ITPRID2: variants seen among roughly 807,000 people sequenced by gnomAD.
ITPRID2 encodes ITPR interacting domain containing 2.
Under a neutral mutation model 124.3 loss-of-function variants are expected in ITPRID2, and 60 were observed. The ratio of observed to expected loss-of-function variants is 0.48; its 90% CI spans 0.39 to 0.60. The LOEUF is 0.60. Among genes scored for constraint, ITPRID2 ranks in the 20% least tolerant of loss-of-function variants. The pLI is 0.00. For missense variants in ITPRID2, 1,553 were observed against 1,512.2 expected, an observed-to-expected ratio of 1.03 and a Z score of -0.45; for synonymous variants, 521 against 542.9, an observed-to-expected ratio of 0.96 and a Z score of 0.56.
At chr2:181,925,392 T>A (rs542400508) in intron 16 of ITPRID2, among the ~76,000 whole-genome samples, 1 of 152,178 alleles carries the variant, frequency 6.6e-6, no homozygotes, top group Non-Finnish European at 1.5e-5. Context: ...CCCAGGGTAG[T>A]TTCCTCACTT....
At position 181,905,728 on chromosome 2, in the gene ITPRID2, A is replaced by G. The variant is rs984695395; in HGVS notation, c.1413+3262A>G. On this transcript the variant is annotated intron_variant, in intron 8 of 17. Coordinates refer to ENST00000431877, the MANE Select transcript of ITPRID2 (RefSeq NM_001130445.3). The surrounding 1 kb of genome is among the most constrained non-coding windows in gnomAD (Gnocchi z 4.1). Reference sequence around the variant, plus strand: ...AGTAACTGTTTCTAATCCTGTCTTCATACTAATTATTGATTTAACTAATGT... The same window carrying G: ...AGTAACTGTTTCTAATCCTGTCTTCGTACTAATTATTGATTTAACTAATGT... 2.6e-5 allele frequency among the ~76,000 whole-genome samples: 4 copies of G among 152,196 alleles called. No homozygotes were observed. Among genetic ancestry groups the G allele is most frequent in the Admixed American group, 6.5e-5 (1 of 15,276 alleles).
intron 7 of ITPRID2, among the ~76,000 whole-genome samples, chr2:181,901,437 G>GTC (rs1277581915): frequency 6.6e-6 from 1 of 152,166 alleles, no homozygotes. Context: ...TTTTGAAAGA[G>GTC]TCTTAATGGA....
chr2:181,919,569 GT>G lies in ITPRID2; in HGVS notation c.3144+126del. 1.0e-6 allele frequency: 1 copy of G among 999,808 alleles called. No individual in the cohort carries two copies. The highest frequency in any genetic ancestry group is 1.4e-6 in the Non-Finnish European group (1 of 736,010). The allele number at this position is 999,808 out of a possible 1,614,324, so 61.9% of individuals were successfully genotyped here. On this transcript the variant is annotated intron_variant, in intron 14 of 17. Coordinates refer to ENST00000431877, the MANE Select transcript of ITPRID2 (RefSeq NM_001130445.3). The surrounding 1 kb of genome is among the most constrained non-coding windows in gnomAD (Gnocchi z 4.2). ...TAATGGTATTAAAAGCATGCATACT[GT>G]TTAAGGAGCTTTCCCACAAATCAGT...
At chr2:181,926,221 G>T (rs534862890) in intron 16 of ITPRID2, among the ~76,000 whole-genome samples, 1 of 149,948 alleles carries the variant, frequency 6.7e-6, no homozygotes, top group Admixed American at 6.6e-5. Context: ...CCGAGATTGC[G>T]CCCCTACACT....
Position 181,929,757 on chromosome 2 carries a change from C to A in ITPRID2, c.*210C>A. 3 of 668,548 alleles carry A rather than the reference C, an allele frequency of 4.5e-6. No individual in the cohort carries two copies. The highest frequency in any genetic ancestry group is 7.1e-6 in the Non-Finnish European group (3 of 423,090). The allele number at this position is 668,548 out of a possible 1,614,324, so 41.4% of individuals were successfully genotyped here. ...GGCACTTTGCTATTTCTTTTCTAAA[C>A]TATCAAAAACTCTAGCAGTTTGAAA... On this transcript the variant is annotated 3_prime_UTR_variant, in exon 18 of 18. Coordinates refer to ENST00000431877, the MANE Select transcript of ITPRID2 (RefSeq NM_001130445.3).
At chr2:181,914,971 A>G (rs192583207) in intron 10 of ITPRID2, among the ~76,000 whole-genome samples, 13 of 152,278 alleles carry the variant, frequency 8.5e-5, no homozygotes, top group Admixed American at 1.3e-4. Flanking sequence ...TTGAAAGGAA[A>G]GGGGGAGGTT....
Position 181,915,609 on chromosome 2 carries a change from T to C in ITPRID2, c.1969T>C (p.Tyr657His), listed in dbSNP as rs779968352. Residue 657 changes from tyrosine (Y) to histidine (H), a missense_variant, in exon 11 of 18, where the codon TAT becomes CAT. Transcript: ENST00000431877. Reference sequence around the variant, plus strand: ...AAGCAGTGAAAGTGAATTTACTCAGTATACCACACACCATATTCTGAAATC... The same window carrying C: ...AAGCAGTGAAAGTGAATTTACTCAGCATACCACACACCATATTCTGAAATC... ...GKSSESEFTQ[Y>H]TTHHILKSLA... 222 of 1,614,104 alleles carry C rather than the reference T, an allele frequency of 1.4e-4. No individual in the cohort carries two copies. The highest frequency in any genetic ancestry group is 1.8e-4 in the Non-Finnish European group (218 of 1,180,050).
chr2:181,913,683 C>T (rs971035955), intron 9 of ITPRID2, among the ~76,000 whole-genome samples, 162 bp from the exon 10 acceptor site: 1 of 152,086 alleles, frequency 6.6e-6, no homozygotes, highest in African/African-American at 2.4e-5. Flanking sequence ...CATAATTTTG[C>T]ATAAGTAATG....
At chr2:181,918,397 C>T in intron 11 of ITPRID2, 2 of 1,363,352 alleles carry the variant, frequency 1.5e-6, no homozygotes, top group Non-Finnish European at 1.9e-6. Flanking sequence ...CGTAGATTGA[C>T]TTATACCTGG....
intron 8 of ITPRID2, among the ~76,000 whole-genome samples, chr2:181,906,160 T>C (rs1473051916): frequency 6.7e-6 from 1 of 150,036 alleles, no homozygotes; most frequent in Non-Finnish European, 1.5e-5. Context: ...CTTTATTCAT[T>C]TTCTAGTTTC....
chr2:181,903,083 T>C lies in ITPRID2; in HGVS notation c.1413+617T>C, dbSNP rs140773579. 2.4e-3 allele frequency among the ~76,000 whole-genome samples: 368 copies of C among 152,364 alleles called. 1 individual carries two copies. Among genetic ancestry groups the C allele is most frequent in the Non-Finnish European group, 3.4e-3 (229 of 68,038 alleles). On this transcript the variant is annotated intron_variant, in intron 8 of 17. Coordinates refer to ENST00000431877, the MANE Select transcript of ITPRID2 (RefSeq NM_001130445.3). ...TACTTGTTATTTGTGTCCAGTAATATACCTGATAGTTAACATAAATTTTTA... is the reference window on the plus strand; with the variant it reads ...TACTTGTTATTTGTGTCCAGTAATACACCTGATAGTTAACATAAATTTTTA...
At chr2:181,916,580 A>G (rs995567732) in intron 11 of ITPRID2, 153 bp downstream of exon 11, 18 of 1,022,746 alleles carry the variant, frequency 1.8e-5, no homozygotes, top group African/African-American at 9.7e-5. Flanking sequence ...TTCGTTTTCT[A>G]TCTTCCCTCC....
chr2:181,899,146 T>C, intron 6 of ITPRID2, 34 bp downstream of exon 6: 1 of 1,447,108 alleles, frequency 6.9e-7, no homozygotes, highest in Non-Finnish European at 9.5e-7. Context: ...GGAATTACAT[T>C]GTGCTATAGA....
At position 181,902,622 on chromosome 2, in the gene ITPRID2, G is replaced by A. The variant is rs1692766122; in HGVS notation, c.1413+156G>A. 6.6e-6 allele frequency among the ~76,000 whole-genome samples: 1 copy of A among 152,136 alleles called. No individual in the cohort carries two copies. Among genetic ancestry groups the A allele is most frequent in the Middle Eastern group, 3.2e-3 (1 of 316 alleles). On this transcript the variant is annotated intron_variant, in intron 8 of 17. Transcript: ENST00000431877. The surrounding 1 kb of genome is among the most constrained non-coding windows in gnomAD (Gnocchi z 4.4). ...TTTATGTTTCACAAACCAAGAATTG[G>A]TCTCAGGATAATGTGATGTCGAGGT...
intron 16 of ITPRID2, among the ~76,000 whole-genome samples, chr2:181,923,478 A>C (rs374736123): frequency 2.6e-5 from 4 of 152,194 alleles, no homozygotes; most frequent in African/African-American, 9.6e-5. Context: ...TTTTCCTACA[A>C]ATGTAATTAT....
chr2:181,894,169 A>C (rs890649243), intron 2 of ITPRID2: 1 of 152,262 alleles, frequency 6.6e-6, no homozygotes, highest in Admixed American at 6.5e-5. Flanking sequence ...ACAAGAGAAG[A>C]ATCACACTAT....
chr2:181,898,229 A>C (rs531624350), intron 4 of ITPRID2, among the ~76,000 whole-genome samples: 5 of 152,036 alleles, frequency 3.3e-5, no homozygotes, highest in African/African-American at 4.8e-5. Context: ...AAAGCAATTC[A>C]TGTGTGCTGA....
intron 2 of ITPRID2, chr2:181,894,811 AG>A (rs1692055738): frequency 6.6e-6 from 1 of 152,114 alleles, no homozygotes; most frequent in Non-Finnish European, 1.5e-5. Flanking sequence ...CAACTATAAA[AG>A]TAAGATATTT....
At chr2:181,928,392 T>C in intron 17 of ITPRID2, 114 bp downstream of exon 17, 1 of 596,616 alleles carries the variant, frequency 1.7e-6, no homozygotes, top group Non-Finnish European at 2.9e-6. Flanking sequence ...AGTTTTAGAA[T>C]GTATGTAATA....
Sources: allele counts gnomAD v4.1 joint callset (sites outside exome capture counted in the v4.1 genomes callset), GRCh38; gene constraint gnomAD v4.1.1; non-coding constraint Gnocchi (gnomAD v3.1); transcripts MANE v1.5; gene names NCBI Gene and HGNC (gene_info 2026-07-23, HGNC 2026-07-21).